Variants in PDE1C observed in about 807,000 individuals in gnomAD.
The protein encoded by PDE1C is dual specificity calcium/calmodulin-dependent 3',5'-cyclic nucleotide phosphodiesterase 1C.
A neutral mutation model predicts 93.1 loss-of-function variants in PDE1C; 62 were observed. That is an observed-to-expected ratio of 0.67 (90% CI 0.54 to 0.82). PDE1C has a LOEUF of 0.82. Ranked by LOEUF, PDE1C falls within the 40% of genes least tolerant of loss-of-function variation. The pLI is 0.00. For missense variants in PDE1C, 742 were observed against 884.6 expected (o/e 0.84, Z 2.04); for synonymous variants, 325 against 310.1 (o/e 1.05, Z -0.50).
chr7:31,630,289 ACTACCAAATATTGAGTG>A, the PDE1C span, among the ~76,000 whole-genome samples: 1 of 151,656 alleles, frequency 6.6e-6, no homozygotes, highest in Admixed American at 6.6e-5. Context: ...TATTAGTAAT[ACTACCAAATATTGAGTG>A]CCAGGAACTA....
chr7:32,051,813 G>A (rs1345332518), intron 1 of PDE1C, among the ~76,000 whole-genome samples: 1 of 152,126 alleles, frequency 6.6e-6, no homozygotes, highest in African/African-American at 2.4e-5. Flanking sequence ...GAGCTCAGTG[G>A]CTCTGCTCCC....
At chr7:31,837,773 T>A (rs1420974707) in intron 10 of PDE1C, 97 bp downstream of exon 10, 1 of 753,948 alleles carries the variant, frequency 1.3e-6, no homozygotes, top group African/African-American at 1.7e-5. Context: ...TCTATAAAGT[T>A]GTGTTAAAGG....
the PDE1C span, among the ~76,000 whole-genome samples, chr7:31,717,426 C>A: frequency 6.6e-6 from 1 of 152,134 alleles, no homozygotes; most frequent in African/African-American, 2.4e-5. Flanking sequence ...CTGCCTTCAG[C>A]CTTGGGAGCC....
chr7:32,205,716 C>G (rs992692239), intron 2 of PDE1C, among the ~76,000 whole-genome samples: 12 of 152,154 alleles, frequency 7.9e-5, no homozygotes, highest in Non-Finnish European at 1.3e-4. Flanking sequence ...CCTTTATGAG[C>G]TGTAACACTC....
At chr7:32,071,714 G>A (rs867334522), upstream of PDE1C, among the ~76,000 whole-genome samples, 1 of 152,134 alleles carries the variant, frequency 6.6e-6, no homozygotes, top group Middle Eastern at 3.2e-3. Flanking sequence ...CAATAAGGTA[G>A]AATGCTCTGG....
intron 1 of PDE1C, among the ~76,000 whole-genome samples, chr7:32,333,400 G>T (rs1331307939): frequency 6.6e-6 from 1 of 152,144 alleles, no homozygotes; most frequent in Non-Finnish European, 1.5e-5. Context: ...CCAAGGATAT[G>T]TACCATAATA....
intron 1 of PDE1C, among the ~76,000 whole-genome samples, chr7:32,245,067 G>T (rs1808825258): frequency 6.6e-6 from 1 of 152,136 alleles, no homozygotes; most frequent in South Asian, 2.1e-4. Context: ...TGTGTGGTTG[G>T]GTAGGACCTA....
intron 16 of PDE1C, among the ~76,000 whole-genome samples, chr7:31,808,599 A>C (rs1787146439): frequency 6.6e-6 from 1 of 152,004 alleles, no homozygotes; most frequent in African/African-American, 2.4e-5. Flanking sequence ...TGTTTTAAAC[A>C]AAAATAAGAA....
At chr7:31,889,641 G>T (rs1236632979) in intron 2 of PDE1C, among the ~76,000 whole-genome samples, 1 of 152,144 alleles carries the variant, frequency 6.6e-6, no homozygotes, top group Non-Finnish European at 1.5e-5. Context: ...CTCCTTTGGG[G>T]ATATATGTTT....
intron 2 of PDE1C, among the ~76,000 whole-genome samples, chr7:31,916,685 C>T (rs1302989907): frequency 6.6e-6 from 1 of 152,154 alleles, no homozygotes; most frequent in African/African-American, 2.4e-5. Context: ...TGTCAGGAGA[C>T]TACAGTAAAT....
the PDE1C span, chr7:31,642,539 A>C: frequency 1.3e-6 from 1 of 748,170 alleles, no homozygotes; most frequent in Non-Finnish European, 2.1e-6. Flanking sequence ...GGACCTTGGT[A>C]AAGAGGTAAA....
upstream of PDE1C, among the ~76,000 whole-genome samples, chr7:32,074,802 C>A (rs1796260385): frequency 6.6e-6 from 1 of 152,148 alleles, no homozygotes; most frequent in African/African-American, 2.4e-5. Flanking sequence ...TGAAAAGAGG[C>A]ACAGAAACAT....
intron 6 of PDE1C, among the ~76,000 whole-genome samples, chr7:31,869,575 AT>A (rs1440470375): frequency 6.6e-6 from 1 of 152,092 alleles, no homozygotes; most frequent in Non-Finnish European, 1.5e-5. Context: ...AGGATATAAC[AT>A]TTCTAAACAT....
intron 15 of PDE1C, among the ~76,000 whole-genome samples, chr7:31,812,061 G>A (rs1787621501): frequency 6.6e-6 from 1 of 152,090 alleles, no homozygotes. Flanking sequence ...TAAACAAGGG[G>A]AAGTGAAAGA....
intron 2 of PDE1C, among the ~76,000 whole-genome samples, chr7:32,040,229 C>G (rs988243229): frequency 1.3e-5 from 2 of 152,242 alleles, no homozygotes; most frequent in East Asian, 3.9e-4. Flanking sequence ...CACTTTTAAT[C>G]TTTATCTCTT....
At chr7:31,924,575 C>A (rs893448539) in intron 2 of PDE1C, among the ~76,000 whole-genome samples, 2 of 89,200 alleles carry the variant, frequency 2.2e-5, no homozygotes, top group Non-Finnish European at 5.2e-5. Context: ...AAGCTACAGG[C>A]ACCTCGAAAG....
intron 1 of PDE1C, among the ~76,000 whole-genome samples, chr7:32,222,425 G>A (rs1024722383): frequency 2.1e-4 from 32 of 152,248 alleles, no homozygotes; most frequent in African/African-American, 7.5e-4. Context: ...TGAGCTGCTC[G>A]ATAAAGGGCC....
the PDE1C span, chr7:31,655,948 T>A: frequency 1.0e-6 from 1 of 985,304 alleles, no homozygotes; most frequent in African/African-American, 1.7e-5. Flanking sequence ...TGCTCATCCC[T>A]CAGATGAATC....
the PDE1C span, among the ~76,000 whole-genome samples, chr7:31,665,827 A>T: frequency 6.6e-6 from 1 of 152,184 alleles, no homozygotes; most frequent in Non-Finnish European, 1.5e-5. Context: ...ATGTATATAG[A>T]TAATATATAC....
Sources: gnomAD v4.1 joint callset for allele counts (sites outside exome capture counted in the v4.1 genomes callset) on GRCh38, gnomAD v4.1.1 for gene constraint, MANE v1.5 for transcripts, NCBI Gene and HGNC (gene_info 2026-07-23, HGNC 2026-07-21) for gene names.